SLF1: variants seen among roughly 807,000 people sequenced by gnomAD.
SLF1 encodes the protein SMC5/6 complex localization factor 1, also known as SMC5-SMC6 complex localization factor protein 1.
In SLF1, 105 loss-of-function variants were observed where a neutral mutation model predicts 123.0. The ratio of observed to expected loss-of-function variants is 0.85; its 90% CI spans 0.73 to 1.00. The LOEUF is 1.00. Among genes scored for constraint, SLF1 ranks in the 50% least tolerant of loss-of-function variants. The probability of loss-of-function intolerance (pLI) is 0.00; values close to 1 mark genes in which losing one functional copy is unlikely to be tolerated. For synonymous variants in SLF1, 434 were observed against 406.6 expected (o/e 1.07, Z -0.81); for missense variants, 1,239 against 1,223.0 (o/e 1.01, Z -0.20).
At chr5:94,688,251 T>C (rs567577288) in intron 16 of SLF1, among the ~76,000 whole-genome samples, 2 of 152,248 alleles carry the variant, frequency 1.3e-5, no homozygotes, top group Non-Finnish European at 2.9e-5. Context: ...AGAGCTTTCC[T>C]AAATGAGGAT....
In SLF1 at chr5:94,694,938, ACAGTGGAGAACTTTCATG is replaced by A. The variant is rs1246023021; in HGVS notation, c.2806_2823del (p.Val936_Ala941del). ...GTTTGCTATTACAAAAATAGAAGAT[ACAGTGGAGAACTTTCATG>A]CACAAGCAGAGAAACATTTTCATTA... On this transcript the variant is annotated inframe_deletion, in exon 21 of 21. Coordinates refer to ENST00000265140, the MANE Select transcript of SLF1 (RefSeq NM_032290.4). 3 of 1,612,398 alleles carry A rather than the reference ACAGTGGAGAACTTTCATG, an allele frequency of 1.9e-6. No individual in the cohort carries two copies. The African/African-American group carries it at 4.0e-5, about 22-fold the overall frequency.
chr5:94,663,919 C>A lies in SLF1; in HGVS notation c.1368+11C>A, dbSNP rs1247571816. 1 of 1,467,796 alleles carries A rather than the reference C, an allele frequency of 6.8e-7. No homozygotes were observed. The highest frequency in any genetic ancestry group is 1.4e-5 in the South Asian group (1 of 69,736). 90.9% of individuals were successfully genotyped at this position (1,467,796 alleles called of 1,614,324 possible). ...GAGAACGTTCTACAGGTAAGAGCAG[C>A]CTTAAGGATTTATAATCTTTTTTTC... On this transcript the variant is annotated intron_variant, in intron 11 of 20. Transcript: ENST00000265140.
rs1336020758 is a variant in SLF1 at position 94,628,875 on chromosome 5, C to T, written c.65C>T (p.Ala22Val). ...MTGFKMEEKE[A>V]LVKLLLKLDC... ...GGATTTAAGATGGAAGAAAAAGAAG[C>T]GCTAGTCAAATTACTTTTAAAACTA... The change falls in exon 2 of 21, where the codon GCG becomes GTG. Residue 22 changes from alanine (A) to valine (V), a missense_variant. Ala to Val is a moderately conservative substitution (Grantham distance 64). Coordinates refer to ENST00000265140, the MANE Select transcript of SLF1 (RefSeq NM_032290.4). 8.4e-6 allele frequency: 13 copies of T among 1,549,652 alleles called. No homozygotes were observed. The highest frequency in any genetic ancestry group is 6.0e-5 in the South Asian group (5 of 83,464).
At chr5:94,678,006 C>T (rs986008457) in intron 14 of SLF1, among the ~76,000 whole-genome samples, 5 of 151,896 alleles carry the variant, frequency 3.3e-5, no homozygotes, top group Admixed American at 6.6e-5. Flanking sequence ...CTGCAAGCTC[C>T]GCCTCCCGGG....
intron 4 of SLF1, among the ~76,000 whole-genome samples, chr5:94,631,970 C>CTTTT (rs1021934536): frequency 3.7e-5 from 4 of 108,754 alleles, no homozygotes; most frequent in African/African-American, 6.7e-5. Context: ...TTTTTTCTTT[C>CTTTT]TTTTTTTTTT....
chr5:94,629,414 CA>C (rs5869632), intron 3 of SLF1, among the ~76,000 whole-genome samples: 33,821 of 147,004 alleles, frequency 0.23, 3,837 homozygotes, highest in East Asian at 0.34. Flanking sequence ...TTGTTTAAGA[CA>C]AAAAAAAAAT....
chr5:94,670,069 T>C lies in SLF1; in HGVS notation c.1533-82T>C, dbSNP rs546186834. 9 of 1,337,882 alleles carry C rather than the reference T, an allele frequency of 6.7e-6. No homozygotes were observed. In the African/African-American group the frequency reaches 1.4e-4, roughly 21 times the overall value. The allele number at this position is 1,337,882 out of a possible 1,614,324, so 82.9% of individuals were successfully genotyped here. A position where few individuals can be genotyped will look rare whatever the true frequency, so the allele number is the denominator to read the frequency against. On this transcript the variant is annotated intron_variant, in intron 12 of 20. Coordinates refer to ENST00000265140, the MANE Select transcript of SLF1 (RefSeq NM_032290.4). ...AAATTTTATTAAAATTCCAGCAGTA[T>C]TCTAGAAGGAGAAATATTTTGTTCA...
chr5:94,670,238 CTTTAA>C lies in SLF1; in HGVS notation c.1628_1632del (p.Leu543Ter). On this transcript the variant is annotated frameshift_variant, in exon 13 of 21. Transcript: ENST00000265140. LOFTEE classifies it high-confidence loss of function. ...TCCACCTGACGCTACTCAAATTTTT[CTTTAA>C]TTTAATTGAAAGTGAAGTACAACAT... The C allele has an allele frequency of 6.6e-7, 1 of 1,514,126 alleles. No individual in the cohort carries two copies. The highest frequency in any genetic ancestry group is 2.6e-5 in the East Asian group (1 of 38,742). The allele number at this position is 1,514,126 out of a possible 1,614,324, so 93.8% of individuals were successfully genotyped here.
rs527459752 is a variant in SLF1 at position 94,640,151 on chromosome 5, A to G, written c.432-3122A>G. On this transcript the variant is annotated intron_variant, in intron 4 of 20. Coordinates refer to ENST00000265140, the MANE Select transcript of SLF1 (RefSeq NM_032290.4). ...TCTGGTATCATACCTTTTTTTGCCT[A>G]AAGAACTCTTTTTAACAGTTCTTAT... is the stretch of plus-strand genomic sequence containing the variant. 1.5e-4 allele frequency among the ~76,000 whole-genome samples: 23 copies of G among 152,152 alleles called. No homozygotes were observed. The South Asian group carries it at 3.9e-3, about 26-fold the overall frequency.
At chr5:94,682,142 G>A (rs1185509459) in intron 15 of SLF1, among the ~76,000 whole-genome samples, 1 of 152,138 alleles carries the variant, frequency 6.6e-6, no homozygotes, top group Admixed American at 6.5e-5. Context: ...GAATGTTAGT[G>A]ATCAAATATA....
chr5:94,693,980 C>G (rs112101544), intron 20 of SLF1, among the ~76,000 whole-genome samples: 30 of 151,918 alleles, frequency 2.0e-4, no homozygotes, highest in African/African-American at 6.3e-4. Context: ...AATCAGTTCT[C>G]TCTTTCTGAC....
Position 94,695,364 on chromosome 5 carries a change from T to C in SLF1, c.*52T>C. 1 of 1,533,564 alleles carries C rather than the reference T, an allele frequency of 6.5e-7. No homozygotes were observed. Among genetic ancestry groups the C allele is most frequent in the East Asian group, 2.3e-5 (1 of 44,108 alleles). 95.0% of individuals were successfully genotyped at this position (1,533,564 alleles called of 1,614,324 possible). On this transcript the variant is annotated 3_prime_UTR_variant, in exon 21 of 21. Coordinates refer to ENST00000265140, the MANE Select transcript of SLF1 (RefSeq NM_032290.4). ...TCTAAATCTGTTCAGTTTGCATTGG[T>C]ACTTACTGTGGACTTCATAGCTTAC...
intron 15 of SLF1, among the ~76,000 whole-genome samples, chr5:94,683,833 A>G (rs1752089949): frequency 1.3e-5 from 2 of 152,174 alleles, no homozygotes. Flanking sequence ...TTCTGTTATT[A>G]GTTATTGGTA....
Position 94,663,826 on chromosome 5 carries a change from C to A in SLF1, c.1286C>A (p.Ala429Glu). 6.4e-7 allele frequency: 1 copy of A among 1,550,582 alleles called. No homozygotes were observed. The highest frequency in any genetic ancestry group is 8.7e-7 in the Non-Finnish European group (1 of 1,146,524). ...SLIEGHFFKE[A>E]IEELSTLQAH... ...ATAGAAGGACATTTTTTTAAAGAAG[C>A]AATTGAGGAACTTTCCACTTTGCAG... The change falls in exon 11 of 21, where the codon GCA (alanine) becomes GAA (glutamate). Residue 429 changes from alanine (A) to glutamate (E), a missense_variant. Transcript: ENST00000265140.
chr5:94,670,939 G>A lies in SLF1; in HGVS notation c.1758G>A (p.Leu586=). The change falls in exon 14 of 21, where the codon TTG becomes TTA. Residue 586 remains leucine (L), a synonymous_variant. Coordinates refer to ENST00000265140, the MANE Select transcript of SLF1 (RefSeq NM_032290.4). The part of the protein sequence containing the change: ...FWSGSETSGL[L]TKPVNMLLEW... ...CAGGAAGTGAAACCTCTGGGCTTTT[G>A]ACCAAACCAGTAAATATGCTTTTGG... The A allele has an allele frequency of 6.5e-7, 1 of 1,549,796 alleles. No homozygotes were observed.
In SLF1 at chr5:94,695,244, G is replaced by C. The variant is rs1753446247; in HGVS notation, c.3109G>C (p.Gly1037Arg). The part of the protein sequence containing the change: ...ELPENLKVCP[G>R]VHTEALMITL... ...GCCTGAGAATTTGAAAGTGTGTCCT[G>C]GGGTACACACTGAGGCCTTGATGAT... The change falls in exon 21 of 21, where the codon GGG becomes CGG. Residue 1037 changes from glycine (G) to arginine (R), a missense_variant. Physicochemically the swap from Gly to Arg is moderately radical, Grantham distance 125. Transcript: ENST00000265140. The C allele has an allele frequency of 1.9e-6, 3 of 1,612,118 alleles. No homozygotes were observed. The highest frequency in any genetic ancestry group is 2.5e-6 in the Non-Finnish European group (3 of 1,178,612).
At chr5:94,690,617 A>G (rs1440374945) in intron 18 of SLF1, among the ~76,000 whole-genome samples, 1 of 152,208 alleles carries the variant, frequency 6.6e-6, no homozygotes, top group Non-Finnish European at 1.5e-5. Context: ...ATGTTTTTGT[A>G]GAAGTTAGAG....
chr5:94,682,946 T>C (rs1345446546), intron 15 of SLF1, among the ~76,000 whole-genome samples: 1 of 152,204 alleles, frequency 6.6e-6, no homozygotes, highest in Non-Finnish European at 1.5e-5. Context: ...AAAGCAGCCA[T>C]AGACAATACA....
chr5:94,670,764 T>G (rs1053947702), intron 13 of SLF1, 79 bp from the exon 14 acceptor site: 17 of 1,049,484 alleles, frequency 1.6e-5, no homozygotes, highest in Admixed American at 2.8e-5. Context: ...GCTAGCATTT[T>G]TTTTGACAGG....
Sources: gnomAD v4.1 joint callset for allele counts (sites outside exome capture counted in the v4.1 genomes callset) on GRCh38, gnomAD v4.1.1 for gene constraint, MANE v1.5 for transcripts, NCBI Gene and HGNC (gene_info 2026-07-23, HGNC 2026-07-21) for gene names.